Variants in CADM2 observed in about 807,000 individuals in gnomAD.
CADM2 encodes the protein cell adhesion molecule 2.
Under a neutral mutation model 49.8 loss-of-function variants are expected in CADM2, and 12 were observed. The observed-to-expected ratio is 0.24, with a 90% confidence interval of 0.15 to 0.39. The LOEUF is 0.39. Ranked by LOEUF, CADM2 falls within the 10% of genes least tolerant of loss-of-function variation. The pLI is 1.00. For synonymous variants in CADM2, 214 were observed against 175.4 expected, an observed-to-expected ratio of 1.22 and a Z score of -1.74; for missense variants, 378 against 492.3, an observed-to-expected ratio of 0.77 and a Z score of 2.20.
intron 8 of CADM2, among the ~76,000 whole-genome samples, chr3:86,054,143 T>G (rs1424372120): frequency 6.6e-6 from 1 of 152,008 alleles, no homozygotes; most frequent in African/African-American, 2.4e-5. Context: ...AGCTTAATAT[T>G]TTAATATTTA....
intron 1 of CADM2, among the ~76,000 whole-genome samples, chr3:85,367,885 G>A (rs185817393): frequency 1.3e-5 from 2 of 151,506 alleles, no homozygotes; most frequent in Admixed American, 6.6e-5. Context: ...CGCAGATACA[G>A]CTGAGAATCA....
rs139257494 is a variant in CADM2 at position 85,431,860 on chromosome 3, C to CATATGTATATATAT, written c.62-294658_62-294657insGTATATATATATAT. Among the ~76,000 whole-genome samples, 280 of 51,866 alleles carry CATATGTATATATAT rather than the reference C, an allele frequency of 5.4e-3. 86 individuals carry two copies. The highest frequency in any genetic ancestry group is 8.6e-3 in the Non-Finnish European group (201 of 23,424). The allele number at this position is 51,866 out of a possible 152,430, so 34.0% of individuals were successfully genotyped here. The stretch of plus-strand genomic sequence containing the variant: ...AACACCATGGTCTTATGCTTAATTG[C>CATATGTATATATAT]ATATATATATATGCCATGCTCTTTC... On this transcript the variant is annotated intron_variant, in intron 1 of 9. Coordinates refer to ENST00000383699, the MANE Select transcript of CADM2 (RefSeq NM_001167675.2).
At chr3:85,589,761 G>A (rs964099818) in intron 1 of CADM2, among the ~76,000 whole-genome samples, 1 of 151,910 alleles carries the variant, frequency 6.6e-6, no homozygotes, top group Non-Finnish European at 1.5e-5. Context: ...GCAATTTCCT[G>A]ATCAAATTAC....
At chr3:85,608,394 A>G (rs2063592571) in intron 1 of CADM2, among the ~76,000 whole-genome samples, 1 of 152,122 alleles carries the variant, frequency 6.6e-6, no homozygotes, top group African/African-American at 2.4e-5. Flanking sequence ...TAGAGATGTT[A>G]GATTTAATAG....
intron 3 of CADM2, among the ~76,000 whole-genome samples, chr3:85,810,544 T>G (rs1356079860): frequency 7.5e-6 from 1 of 134,096 alleles, no homozygotes; most frequent in African/African-American, 3.2e-5. Context: ...TTTTTTTTTT[T>G]TTTTTTTTTT....
chr3:85,117,780 C>T lies in CADM2; in HGVS notation c.61+158112C>T, dbSNP rs573499565. ...AGAATAAAATTGGAGGTTTTAAATA[C>T]TTATGAAGGATGTCTATTTCACTGG... On this transcript the variant is annotated intron_variant, in intron 1 of 9. Transcript: ENST00000383699. 5.9e-5 allele frequency among the ~76,000 whole-genome samples: 9 copies of T among 152,194 alleles called. No individual in the cohort carries two copies. The South Asian group carries it at 1.9e-3, about 32-fold the overall frequency.
chr3:85,345,073 T>C (rs1018767519), intron 1 of CADM2, among the ~76,000 whole-genome samples: 4 of 151,970 alleles, frequency 2.6e-5, no homozygotes, highest in African/African-American at 9.7e-5. Context: ...TCCAGCATTT[T>C]GGGAGGCCGA....
At chr3:85,493,883 T>C (rs910278902) in intron 1 of CADM2, among the ~76,000 whole-genome samples, 2 of 152,186 alleles carry the variant, frequency 1.3e-5, no homozygotes, top group African/African-American at 4.8e-5. Flanking sequence ...TAAAATAGAA[T>C]GTAATTTTTT....
chr3:85,427,770 C>G (rs2036482697), intron 1 of CADM2, among the ~76,000 whole-genome samples: 1 of 152,112 alleles, frequency 6.6e-6, no homozygotes, highest in Non-Finnish European at 1.5e-5. Flanking sequence ...GTTTAAATCT[C>G]TGTGTGCAGA....
chr3:85,505,225 C>T (rs1025937989), intron 1 of CADM2, among the ~76,000 whole-genome samples: 1 of 152,220 alleles, frequency 6.6e-6, no homozygotes, highest in African/African-American at 2.4e-5. Context: ...ACTGCCAGCA[C>T]GCTGTCACCT....
intron 1 of CADM2, among the ~76,000 whole-genome samples, chr3:85,099,895 A>C (rs2037947170): frequency 6.6e-6 from 1 of 152,258 alleles, no homozygotes; most frequent in Non-Finnish European, 1.5e-5. Flanking sequence ...GAACAGAGCA[A>C]TAGTGAGTGT....
intron 1 of CADM2, among the ~76,000 whole-genome samples, chr3:85,276,945 A>C (rs1369673270): frequency 6.6e-6 from 1 of 151,376 alleles, no homozygotes; most frequent in East Asian, 1.9e-4. Flanking sequence ...AATTTCATTT[A>C]ATACATGTAT....
chr3:85,444,141 G>A (rs2037334452), intron 1 of CADM2, among the ~76,000 whole-genome samples: 2 of 151,990 alleles, frequency 1.3e-5, no homozygotes, highest in South Asian at 4.2e-4. Context: ...TTATATTTTA[G>A]CACCTATAGA....
intron 1 of CADM2, among the ~76,000 whole-genome samples, chr3:85,349,341 G>C (rs1024447954): frequency 7.9e-5 from 12 of 152,176 alleles, no homozygotes; most frequent in African/African-American, 2.2e-4. Flanking sequence ...TCGTGTGTTT[G>C]TATGTGAACC....
chr3:85,174,603 A>C, intron 1 of CADM2, among the ~76,000 whole-genome samples: 1 of 151,930 alleles, frequency 6.6e-6, no homozygotes, highest in Admixed American at 6.6e-5. Context: ...AAGGAAAACA[A>C]ATAAATGAAA....
intron 5 of CADM2, among the ~76,000 whole-genome samples, chr3:85,890,171 G>T (rs1714234107): frequency 6.6e-6 from 1 of 151,964 alleles, no homozygotes; most frequent in Non-Finnish European, 1.5e-5. Flanking sequence ...AGGGGAAAGA[G>T]CAAGCAGGAG....
At chr3:85,425,871 G>A (rs2036378802) in intron 1 of CADM2, among the ~76,000 whole-genome samples, 1 of 152,200 alleles carries the variant, frequency 6.6e-6, no homozygotes, top group Admixed American at 6.5e-5. Context: ...CAAATAAACA[G>A]GTGGTGATAA....
intron 1 of CADM2, among the ~76,000 whole-genome samples, chr3:85,261,627 A>G (rs2107891525): frequency 6.6e-6 from 1 of 152,250 alleles, no homozygotes; most frequent in South Asian, 2.1e-4. Flanking sequence ...AGTTAATGTT[A>G]ATCGAATGTT....
intron 1 of CADM2, among the ~76,000 whole-genome samples, chr3:85,530,732 G>A (rs1311630594): frequency 6.6e-6 from 1 of 151,986 alleles, no homozygotes; most frequent in Non-Finnish European, 1.5e-5. Flanking sequence ...TACAATCTTA[G>A]CATCTAGCCA....
Sources: gnomAD v4.1 joint callset for allele counts (sites outside exome capture counted in the v4.1 genomes callset) on GRCh38, gnomAD v4.1.1 for gene constraint, MANE v1.5 for transcripts, NCBI Gene and HGNC (gene_info 2026-07-23, HGNC 2026-07-21) for gene names.